Variants in PPP2R5E observed in about 807,000 individuals in gnomAD.
PPP2R5E encodes protein phosphatase 2 regulatory subunit B'epsilon.
PPP2R5E carries 4 observed loss-of-function variants against 65.3 expected under a neutral mutation model. The ratio of observed to expected loss-of-function variants is 0.06; its 90% CI spans 0.03 to 0.14. PPP2R5E has a LOEUF of 0.14. PPP2R5E is among the 10% of genes least tolerant of loss of function. The pLI, the probability that PPP2R5E is intolerant of heterozygous loss-of-function variation, is 1.00. For synonymous variants in PPP2R5E, 183 were observed against 187.4 expected (o/e 0.98, Z 0.19); for missense variants, 274 against 556.1 (o/e 0.49, Z 5.10).
intron 2 of PPP2R5E, among the ~76,000 whole-genome samples, chr14:63,520,388 T>C (rs185235042): frequency 2.5e-4 from 38 of 152,280 alleles, no homozygotes; most frequent in African/African-American, 8.4e-4. Context: ...GCATAATCGC[T>C]TCCTCTGAGA....
chr14:63,449,539 G>C (rs1424665473), intron 3 of PPP2R5E, among the ~76,000 whole-genome samples: 1 of 152,200 alleles, frequency 6.6e-6, no homozygotes, highest in African/African-American at 2.4e-5. Flanking sequence ...AATGGGCTTA[G>C]AGGGAATGAG....
At chr14:63,469,373 T>G (rs186081254) in intron 2 of PPP2R5E, among the ~76,000 whole-genome samples, 22 of 152,306 alleles carry the variant, frequency 1.4e-4, no homozygotes, top group Admixed American at 1.4e-3. Flanking sequence ...GAAGCAAGAT[T>G]TGCACCTATT....
chr14:63,413,097 T>G (rs1198820867), intron 5 of PPP2R5E, among the ~76,000 whole-genome samples: 1 of 152,210 alleles, frequency 6.6e-6, no homozygotes, highest in Non-Finnish European at 1.5e-5. Flanking sequence ...AGGAGACTAA[T>G]TTGCTAAAGA....
chr14:63,468,452 G>A (rs569178954), intron 2 of PPP2R5E, among the ~76,000 whole-genome samples: 1 of 152,328 alleles, frequency 6.6e-6, no homozygotes, highest in East Asian at 1.9e-4. Flanking sequence ...GACTCAATAG[G>A]TGAGATGAGT....
chr14:63,467,199 G>A (rs1208053263), intron 2 of PPP2R5E, among the ~76,000 whole-genome samples: 1 of 140,338 alleles, frequency 7.1e-6, no homozygotes, highest in Non-Finnish European at 1.5e-5. Flanking sequence ...GTCCAGCCTG[G>A]GTGACAGAGC....
At chr14:63,440,628 T>C (rs1456237558) in intron 3 of PPP2R5E, among the ~76,000 whole-genome samples, 1 of 151,968 alleles carries the variant, frequency 6.6e-6, no homozygotes, top group Non-Finnish European at 1.5e-5. Context: ...GAAAGCATTA[T>C]GGCTTAGCAT....
chr14:63,477,174 T>C (rs1459374625), intron 2 of PPP2R5E, among the ~76,000 whole-genome samples: 1 of 152,120 alleles, frequency 6.6e-6, no homozygotes, highest in African/African-American at 2.4e-5. Context: ...CATTAAAAAA[T>C]TAAGACAGCA....
At position 63,520,758 on chromosome 14, in the gene PPP2R5E, G is replaced by C. The variant is rs1339300115; in HGVS notation, c.157+18771C>G. ...TGGCCAGGTGCAGTGGCTCACATCT[G>C]TAATCCCAGCACTTTGGGAGGCCGA... is the stretch of plus-strand genomic sequence containing the variant. On this transcript the variant is annotated intron_variant, in intron 2 of 13. Coordinates refer to ENST00000337537, the MANE Select transcript of PPP2R5E (RefSeq NM_006246.5). Among the ~76,000 whole-genome samples the C allele has an allele frequency of 4.8e-5, 7 of 146,678 alleles. No individual in the cohort carries two copies. The East Asian group carries it at 1.5e-3, about 32-fold the overall frequency.
At position 63,484,117 on chromosome 14, in the gene PPP2R5E, A is replaced by C. The variant is rs150096639; in HGVS notation, c.158-30232T>G. On this transcript the variant is annotated intron_variant, in intron 2 of 13. Coordinates refer to ENST00000337537, the MANE Select transcript of PPP2R5E (RefSeq NM_006246.5). Reference sequence around the variant, plus strand: ...AACTCCCAAGGAGTTAGAAGCAGAAAGATAAAGGGCCCAAAGCAATGAAGC... The same window carrying C: ...AACTCCCAAGGAGTTAGAAGCAGAACGATAAAGGGCCCAAAGCAATGAAGC... Among the ~76,000 whole-genome samples, 1,023 of 151,782 alleles carry C rather than the reference A, an allele frequency of 6.7e-3. 9 individuals carry two copies. The highest frequency in any genetic ancestry group is 0.024 in the African/African-American group (972 of 41,346).
At chr14:63,521,797 C>G (rs936106737) in intron 2 of PPP2R5E, among the ~76,000 whole-genome samples, 1 of 152,204 alleles carries the variant, frequency 6.6e-6, no homozygotes, top group Non-Finnish European at 1.5e-5. Flanking sequence ...CTGTTTCAAT[C>G]TGCTTTCCAG....
chr14:63,529,882 C>T (rs373102997), intron 2 of PPP2R5E, among the ~76,000 whole-genome samples: 21 of 152,232 alleles, frequency 1.4e-4, no homozygotes, highest in East Asian at 7.7e-4. Flanking sequence ...ACATCCTGGA[C>T]GGACGCACAT....
In PPP2R5E at chr14:63,374,805, TAGC is replaced by T. The variant is rs1057477603; in HGVS notation, c.*1201_*1203del. 6 of 152,106 alleles carry T rather than the reference TAGC, an allele frequency of 3.9e-5. No homozygotes were observed. Among genetic ancestry groups the T allele is most frequent in the Admixed American group, 3.9e-4 (6 of 15,212 alleles). The allele number at this position is 152,106 out of a possible 1,614,324, so 9.4% of individuals were successfully genotyped here. On this transcript the variant is annotated 3_prime_UTR_variant, in exon 14 of 14. Transcript: ENST00000337537. ...TTAGGAATTTCCAGATTTTTTTCAG[TAGC>T]ATTTGTAGAACCACTTTTGGTAACA...
At chr14:63,396,817 T>C in intron 5 of PPP2R5E, 101 bp from the exon 6 acceptor site, 4 of 1,431,880 alleles carry the variant, frequency 2.8e-6, no homozygotes, top group Non-Finnish European at 3.8e-6. Context: ...TCAAAAAATG[T>C]GTTGAATATC....
rs536176074 is a variant in PPP2R5E, at chr14:63,534,176, T to C, written c.157+5353A>G. Reference sequence around the variant, plus strand: ...TAACATAAATTTGTGTGTGTGTTTGTGTGTTTGCCTAACTGTTTAGTTTGA... The same window carrying C: ...TAACATAAATTTGTGTGTGTGTTTGCGTGTTTGCCTAACTGTTTAGTTTGA... On this transcript the variant is annotated intron_variant, in intron 2 of 13. Transcript: ENST00000337537. Among the ~76,000 whole-genome samples, 26 of 152,344 alleles carry C rather than the reference T, an allele frequency of 1.7e-4. No individual in the cohort carries two copies. In the South Asian group the frequency reaches 3.5e-3, roughly 21 times the overall value.
intron 2 of PPP2R5E, among the ~76,000 whole-genome samples, chr14:63,513,603 G>C (rs1294739586): frequency 6.6e-6 from 1 of 152,234 alleles, no homozygotes; most frequent in African/African-American, 2.4e-5. Context: ...GGATAGAGGT[G>C]GGGAGGGGTT....
At chr14:63,532,568 T>G (rs75007741) in intron 2 of PPP2R5E, among the ~76,000 whole-genome samples, 1,901 of 152,300 alleles carry the variant, frequency 0.012, 42 homozygotes, top group African/African-American at 0.044. Context: ...TCATAAAAAT[T>G]TCATATTATT....
chr14:63,536,812 T>C (rs1893684273), intron 2 of PPP2R5E, among the ~76,000 whole-genome samples: 2 of 152,144 alleles, frequency 1.3e-5, no homozygotes, highest in Admixed American at 1.3e-4. Flanking sequence ...AGGAGGTACC[T>C]AGAGTAGTCA....
At chr14:63,434,337 C>A (rs572173422) in intron 3 of PPP2R5E, among the ~76,000 whole-genome samples, 1 of 152,256 alleles carries the variant, frequency 6.6e-6, no homozygotes, top group East Asian at 1.9e-4. Context: ...AGAATTAGCA[C>A]CAACTACATT....
rs528081976 is a variant in PPP2R5E at position 63,379,826 on chromosome 14, C to CTCTCTCTTT, written c.1304+2229_1304+2230insAAAGAGAGA. Among the ~76,000 whole-genome samples, 337 of 100,296 alleles carry CTCTCTCTTT rather than the reference C, an allele frequency of 3.4e-3. 5 individuals are homozygous for CTCTCTCTTT. Among genetic ancestry groups the CTCTCTCTTT allele is most frequent in the African/African-American group, 0.017 (328 of 19,184 alleles). The allele number at this position is 100,296 out of a possible 152,430, so 65.8% of individuals were successfully genotyped here. On this transcript the variant is annotated intron_variant, in intron 13 of 13. Transcript: ENST00000337537. The stretch of plus-strand genomic sequence containing the variant: ...TAAGTTGTTCTTCAATATTCTCTCT[C>CTCTCTCTTT]TTTTTTTTTTTTTTTTTTTTTTTTT...
Sources: allele counts gnomAD v4.1 joint callset (sites outside exome capture counted in the v4.1 genomes callset), GRCh38; gene constraint gnomAD v4.1.1; transcripts MANE v1.5; gene names NCBI Gene and HGNC (gene_info 2026-07-23, HGNC 2026-07-21).